Variants in FRY observed in about 807,000 individuals in gnomAD.
FRY encodes the protein FRY microtubule binding protein.
FRY carries 128 observed loss-of-function variants against 348.4 expected under a neutral mutation model. That is an observed-to-expected ratio of 0.37 (90% CI 0.32 to 0.43). FRY has a LOEUF of 0.43. FRY is among the 20% of genes least tolerant of loss of function. FRY has a pLI of 1.00. For synonymous variants in FRY, 1,370 were observed against 1,374.7 expected (o/e 1.00, Z 0.08); for missense variants, 2,736 against 3,695.2 (o/e 0.74, Z 6.73).
chr13:32,213,249 A>T (rs1456040125), intron 35 of FRY, among the ~76,000 whole-genome samples: 2 of 152,206 alleles, frequency 1.3e-5, no homozygotes, highest in African/African-American at 4.8e-5. Flanking sequence ...GGATTTCATC[A>T]TGTGTATTGG....
chr13:32,054,042 T>G (rs1011496580), intron 1 of FRY, among the ~76,000 whole-genome samples: 1 of 152,184 alleles, frequency 6.6e-6, no homozygotes, highest in Non-Finnish European at 1.5e-5. Flanking sequence ...TGAAAATAGT[T>G]GTTTACTTTC....
chr13:32,282,587 C>T (rs1375916318), intron 58 of FRY, among the ~76,000 whole-genome samples: 3 of 152,180 alleles, frequency 2.0e-5, no homozygotes, highest in Admixed American at 6.5e-5. Context: ...CGGTCTTTGC[C>T]AGTAGAAAAT....
chr13:32,168,958 A>G (rs556548801), intron 17 of FRY, among the ~76,000 whole-genome samples: 3 of 152,308 alleles, frequency 2.0e-5, no homozygotes, highest in Admixed American at 2.0e-4. Flanking sequence ...AGAAGTCCTA[A>G]ATTGAATTCC....
At chr13:32,232,332 T>C (rs1885961020) in intron 41 of FRY, among the ~76,000 whole-genome samples, 1 of 152,212 alleles carries the variant, frequency 6.6e-6, no homozygotes, top group South Asian at 2.1e-4. Context: ...TTTTGCACCT[T>C]GACCAATTTT....
intron 11 of FRY, 39 bp from the exon 12 acceptor site, chr13:32,147,243 A>T (rs766600196): frequency 3.3e-6 from 4 of 1,221,172 alleles, no homozygotes; most frequent in Non-Finnish European, 4.9e-6. Context: ...AGACCTCACT[A>T]TTTACATCTG....
intron 11 of FRY, 82 bp from the exon 12 acceptor site, chr13:32,147,200 A>T: frequency 1.2e-6 from 1 of 835,282 alleles, no homozygotes. Flanking sequence ...TGCCTTTTCC[A>T]GGCCTGCAGA....
chr13:32,249,521 T>G lies in FRY; in HGVS notation c.7009-5T>G, dbSNP rs1886968930. ...AGAATAATGTGCGTTTGTCTTCTTC[T>G]CAAGACTCCAATCATCGGGAGGCGG... On this transcript the variant is annotated splice_polypyrimidine_tract_variant and splice_region_variant and intron_variant, in intron 48 of 60. Transcript: ENST00000542859. The G allele has an allele frequency of 6.2e-7, 1 of 1,614,092 alleles. No individual in the cohort carries two copies. Among genetic ancestry groups the G allele is most frequent in the Non-Finnish European group, 8.5e-7 (1 of 1,180,018 alleles).
intron 55 of FRY, among the ~76,000 whole-genome samples, chr13:32,273,869 G>A (rs1593835204): frequency 1.3e-5 from 2 of 152,158 alleles, no homozygotes; most frequent in African/African-American, 4.8e-5. Flanking sequence ...AACAGTGTTG[G>A]TCAAAAAGAT....
intron 2 of FRY, among the ~76,000 whole-genome samples, chr13:32,100,589 T>A (rs1165995885): frequency 1.3e-5 from 2 of 152,226 alleles, no homozygotes; most frequent in African/African-American, 2.4e-5. Flanking sequence ...TTAACATTTC[T>A]ATCACATTAC....
chr13:32,074,301 A>G (rs1409634422), intron 1 of FRY, among the ~76,000 whole-genome samples: 1 of 152,244 alleles, frequency 6.6e-6, no homozygotes, highest in African/African-American at 2.4e-5. Flanking sequence ...AACTCATTTA[A>G]GACAAAAGAA....
intron 55 of FRY, among the ~76,000 whole-genome samples, chr13:32,270,840 G>T (rs1888166466): frequency 6.6e-6 from 1 of 152,234 alleles, no homozygotes; most frequent in Non-Finnish European, 1.5e-5. Context: ...AAGAGGGCAG[G>T]TAAACAGTGC....
intron 47 of FRY, among the ~76,000 whole-genome samples, chr13:32,245,459 T>A (rs1185596180): frequency 1.3e-5 from 2 of 151,820 alleles, no homozygotes; most frequent in Non-Finnish European, 2.9e-5. Context: ...AAAAAAATTT[T>A]AAAAATCAGC....
Position 32,173,509 on chromosome 13 carries a change from A to G in FRY, c.2294A>G (p.Lys765Arg). The change falls in exon 19 of 61, where the codon AAG becomes AGG. Residue 765 changes from lysine to arginine, a missense_variant. Transcript: ENST00000542859. Reference protein sequence around the residue: ...ATRKLSVLILKEIRALFIALG... With the variant: ...ATRKLSVLILREIRALFIALG... ...CGCAAACTGTCCGTTTTAATACTCA[A>G]GGAAATTCGAGCGTTGTTTATTGCC... 1 of 1,613,776 alleles carries G rather than the reference A, an allele frequency of 6.2e-7. No individual in the cohort carries two copies. The highest frequency in any genetic ancestry group is 8.5e-7 in the Non-Finnish European group (1 of 1,179,936).
rs1202153390 is a variant in FRY at position 32,236,163 on chromosome 13, T to C, written c.5801T>C (p.Val1934Ala). The change falls in exon 43 of 61, where the codon GTA becomes GCA. Residue 1934 changes from valine (V) to alanine (A), a missense_variant. Around this residue, in one of 9 missense-constraint regions of FRY, gnomAD observed 794 missense variants for 977.0 expected, o/e 0.81. Coordinates refer to ENST00000542859, the MANE Select transcript of FRY (RefSeq NM_023037.3). ...TTGAAGAACAGTGACCTCCTAACTG[T>C]ATTGTCCCGGTGAGAATCAGCTTAA... ...DCLKNSDLLT[V>A]LSRSSSPDLS... is the part of the protein sequence containing the mutation. The C allele has an allele frequency of 1.2e-6, 2 of 1,610,796 alleles. No homozygotes were observed. Among genetic ancestry groups the C allele is most frequent in the Admixed American group, 1.7e-5 (1 of 60,020 alleles).
intron 7 of FRY, among the ~76,000 whole-genome samples, chr13:32,130,770 C>T (rs144636289): frequency 2.2e-4 from 34 of 152,064 alleles, no homozygotes; most frequent in African/African-American, 7.7e-4. Context: ...ATAGACAGCC[C>T]ATTCATCTTT....
chr13:32,159,971 A>T (rs980863950), intron 16 of FRY, among the ~76,000 whole-genome samples: 1 of 152,226 alleles, frequency 6.6e-6, no homozygotes, highest in African/African-American at 2.4e-5. Context: ...TCATAAGATT[A>T]TTAAGAAAAT....
Position 32,180,238 on chromosome 13 carries a change from C to CT in FRY, c.2996+450dup, listed in dbSNP as rs772654387. 3.6e-3 allele frequency among the ~76,000 whole-genome samples: 526 copies of CT among 147,052 alleles called. 1 individual carries two copies. The highest frequency in any genetic ancestry group is 6.4e-3 in the Admixed American group (94 of 14,782). ...TTGGTTGATCTTTCTATTTTTTTTT[C>CT]TTTTTTTTTTTCTTGAGACGGAGTC... On this transcript the variant is annotated intron_variant, in intron 23 of 60. Transcript: ENST00000542859.
intron 17 of FRY, among the ~76,000 whole-genome samples, chr13:32,166,252 C>T (rs992726580): frequency 6.6e-6 from 1 of 152,204 alleles, no homozygotes; most frequent in African/African-American, 2.4e-5. Flanking sequence ...TTTCTGTTCC[C>T]TCTTAATTGT....
chr13:32,164,674 T>C (rs1405992495), intron 17 of FRY, among the ~76,000 whole-genome samples: 1 of 152,220 alleles, frequency 6.6e-6, no homozygotes, highest in African/African-American at 2.4e-5. Flanking sequence ...TCACAGGCCC[T>C]CCTGACATTG....
Sources: allele counts gnomAD v4.1 joint callset (sites outside exome capture counted in the v4.1 genomes callset), GRCh38; gene constraint gnomAD v4.1.1; regional missense constraint gnomAD v4.1.1; transcripts MANE v1.5; gene names NCBI Gene and HGNC (gene_info 2026-07-23, HGNC 2026-07-21).